The following FOXP1 variants were observed in gnomAD, a reference collection of about 807,000 sequenced individuals.
The protein encoded by FOXP1 is forkhead box protein P1.
A neutral mutation model predicts 98.2 loss-of-function variants in FOXP1; 15 were observed. The ratio of observed to expected loss-of-function variants is 0.15; its 90% CI spans 0.10 to 0.24. The LOEUF (loss-of-function observed/expected upper bound fraction) is 0.24. Ranked by LOEUF, FOXP1 falls within the 10% of genes least tolerant of loss-of-function variation. The pLI is 1.00. For synonymous variants in FOXP1, 371 were observed against 314.5 expected, an observed-to-expected ratio of 1.18 and a Z score of -1.90; for missense variants, 633 against 848.5, an observed-to-expected ratio of 0.75 and a Z score of 3.15.
At chr3:70,993,839 C>A (rs1306230304) in intron 13 of FOXP1, among the ~76,000 whole-genome samples, 2 of 151,642 alleles carry the variant, frequency 1.3e-5, no homozygotes, top group Admixed American at 6.6e-5. Context: ...ACTAAAAATA[C>A]AAAAATTAGC....
intron 5 of FOXP1, among the ~76,000 whole-genome samples, chr3:71,201,883 C>T (rs1052378859): frequency 6.6e-6 from 1 of 152,166 alleles, no homozygotes; most frequent in African/African-American, 2.4e-5. Flanking sequence ...CAACATTGCA[C>T]ATATATAAAC....
At chr3:71,483,091 G>C (rs1397111847) in intron 3 of FOXP1, among the ~76,000 whole-genome samples, 1 of 151,846 alleles carries the variant, frequency 6.6e-6, no homozygotes, top group Non-Finnish European at 1.5e-5. Context: ...CCACCCATCT[G>C]GTCTCCCAAA....
rs1199733458 is a variant in FOXP1 at position 71,243,505 on chromosome 3, T to C, written c.-11-45113A>G. ...CCGAGATTGCATTTGGACAGGGATG[T>C]ATTCAAATCTGCTTGGGAATGACAT... On this transcript the variant is annotated intron_variant, in intron 5 of 20. Coordinates refer to ENST00000649528, the MANE Select transcript of FOXP1 (RefSeq NM_001349338.3). 2.0e-5 allele frequency among the ~76,000 whole-genome samples: 3 copies of C among 152,318 alleles called. No individual in the cohort carries two copies. In the East Asian group the frequency reaches 5.8e-4, roughly 29 times the overall value.
chr3:71,473,961 G>C (rs1484627565), intron 3 of FOXP1, among the ~76,000 whole-genome samples: 2 of 152,186 alleles, frequency 1.3e-5, no homozygotes, highest in South Asian at 2.1e-4. Flanking sequence ...CCCTGGCACA[G>C]AGTAGGCACC....
At chr3:71,090,434 A>G (rs1412699927) in intron 7 of FOXP1, among the ~76,000 whole-genome samples, 1 of 152,090 alleles carries the variant, frequency 6.6e-6, no homozygotes, top group Non-Finnish European at 1.5e-5. Flanking sequence ...CCTTGGGGGG[A>G]AAAAGTAACA....
intron 3 of FOXP1, among the ~76,000 whole-genome samples, chr3:71,366,487 G>A (rs2078939378): frequency 6.6e-6 from 1 of 152,000 alleles, no homozygotes; most frequent in African/African-American, 2.4e-5. Flanking sequence ...TGTCAATGAA[G>A]AACAGAAAAA....
intron 9 of FOXP1, 116 bp from the exon 10 acceptor site, chr3:71,047,211 G>T: frequency 8.4e-7 from 1 of 1,192,980 alleles, no homozygotes; most frequent in Non-Finnish European, 1.2e-6. Context: ...CTGGAGCTCA[G>T]TGGAGGGCTC....
At chr3:71,049,234 G>A (rs2049486474) in intron 9 of FOXP1, among the ~76,000 whole-genome samples, 1 of 152,084 alleles carries the variant, frequency 6.6e-6, no homozygotes, top group Non-Finnish European at 1.5e-5. Context: ...CCTTTCTTCG[G>A]CTACTCCCTA....
At chr3:71,058,026 A>G (rs1220223474) in intron 7 of FOXP1, among the ~76,000 whole-genome samples, 2 of 152,240 alleles carry the variant, frequency 1.3e-5, no homozygotes, top group Non-Finnish European at 2.9e-5. Flanking sequence ...ATAATATGCC[A>G]TATTATTTCC....
intron 3 of FOXP1, among the ~76,000 whole-genome samples, chr3:71,399,313 T>C (rs1472218969): frequency 2.6e-5 from 4 of 152,148 alleles, no homozygotes; most frequent in Non-Finnish European, 5.9e-5. Context: ...CACAGTATGA[T>C]ACATTCTCTA....
intron 5 of FOXP1, among the ~76,000 whole-genome samples, chr3:71,270,005 G>C (rs1319113985): frequency 6.6e-6 from 1 of 152,216 alleles, no homozygotes; most frequent in African/African-American, 2.4e-5. Flanking sequence ...CAAAGTCTGA[G>C]TTTCCGAGTG....
chr3:71,066,019 C>A (rs797007565), intron 7 of FOXP1, among the ~76,000 whole-genome samples: 36 of 142,300 alleles, frequency 2.5e-4, no homozygotes, highest in African/African-American at 9.4e-4. Context: ...TCCCCACACA[C>A]ATTTTTATTC....
At chr3:71,266,754 A>G (rs2069708897) in intron 5 of FOXP1, among the ~76,000 whole-genome samples, 1 of 152,048 alleles carries the variant, frequency 6.6e-6, no homozygotes, top group Non-Finnish European at 1.5e-5. Flanking sequence ...TCCAGTGTCT[A>G]TTACTTCCAT....
intron 3 of FOXP1, among the ~76,000 whole-genome samples, chr3:71,431,041 G>A (rs1472691072): frequency 6.6e-6 from 1 of 152,186 alleles, no homozygotes; most frequent in Admixed American, 6.5e-5. Flanking sequence ...GTGCATGGTG[G>A]ACAGAACCAG....
chr3:71,142,698 C>T (rs990282778), intron 6 of FOXP1, among the ~76,000 whole-genome samples: 1 of 152,180 alleles, frequency 6.6e-6, no homozygotes, highest in Non-Finnish European at 1.5e-5. Flanking sequence ...TTTCCCGGAG[C>T]CTCTTGACGA....
intron 3 of FOXP1, among the ~76,000 whole-genome samples, chr3:71,396,958 ATATATGTGTG>A (rs1409391993): frequency 4.7e-5 from 2 of 42,792 alleles, no homozygotes; most frequent in Admixed American, 1.9e-4. Flanking sequence ...GTGTATATAT[ATATATGTGTG>A]TATATATATA....
At chr3:71,191,171 C>T (rs899054418) in intron 6 of FOXP1, among the ~76,000 whole-genome samples, 2 of 152,192 alleles carry the variant, frequency 1.3e-5, no homozygotes, top group Admixed American at 6.5e-5. Flanking sequence ...TGTTGATAAA[C>T]GCAAGCCATT....
chr3:71,190,866 G>A (rs1477511992), intron 6 of FOXP1, among the ~76,000 whole-genome samples: 1 of 151,938 alleles, frequency 6.6e-6, no homozygotes, highest in East Asian at 1.9e-4. Context: ...TTTAGCAAAG[G>A]GTCTCTGGAA....
At chr3:71,128,212 G>A (rs1031655614) in intron 6 of FOXP1, among the ~76,000 whole-genome samples, 8 of 151,724 alleles carry the variant, frequency 5.3e-5, no homozygotes, top group African/African-American at 1.7e-4. Flanking sequence ...ATCATGTTCC[G>A]GTATTTAAAG....
Sources: allele counts gnomAD v4.1 joint callset (sites outside exome capture counted in the v4.1 genomes callset), GRCh38; gene constraint gnomAD v4.1.1; transcripts MANE v1.5; gene names NCBI Gene and HGNC (gene_info 2026-07-23, HGNC 2026-07-21).